Variants in SLIT3 observed in about 807,000 individuals in gnomAD.
SLIT3 encodes the protein slit guidance ligand 3.
A neutral mutation model predicts 184.0 loss-of-function variants in SLIT3; 68 were observed. The observed-to-expected ratio is 0.37, with a 90% CI of 0.30 to 0.45. The LOEUF (loss-of-function observed/expected upper bound fraction) is 0.45, where lower values mean the gene tolerates loss of function less well. SLIT3 is among the 20% of genes least tolerant of loss of function. The pLI, the probability that SLIT3 is intolerant of heterozygous loss-of-function variation, is 1.00. For missense variants in SLIT3, 1,707 were observed against 2,026.0 expected (o/e 0.84, Z 3.02); for synonymous variants, 831 against 828.6 (o/e 1.00, Z -0.05).
intron 4 of SLIT3, among the ~76,000 whole-genome samples, chr5:168,892,512 T>C (rs1428055711): frequency 6.6e-6 from 1 of 152,220 alleles, no homozygotes; most frequent in Non-Finnish European, 1.5e-5. Flanking sequence ...GTTCTGAGTA[T>C]ACAGATAGGA....
At chr5:169,014,174 C>T (rs1307758287) in intron 4 of SLIT3, among the ~76,000 whole-genome samples, 1 of 152,074 alleles carries the variant, frequency 6.6e-6, no homozygotes, top group Admixed American at 6.6e-5. Context: ...ATGACACACT[C>T]ATGGAGTGAA....
rs1450986545 is a variant in SLIT3 at position 169,159,425 on chromosome 5, TC to T, written c.413+34053del. 7.3e-5 allele frequency among the ~76,000 whole-genome samples: 11 copies of T among 151,216 alleles called. 1 individual carries two copies. The East Asian group carries it at 2.2e-3, about 30-fold the overall frequency. ...TGGGCAACAAGAGCGAAACTCCATC[TC>T]AAAAAAACAAAACAACAACAGCAGC... On this transcript the variant is annotated intron_variant, in intron 4 of 35. Coordinates refer to ENST00000519560, the MANE Select transcript of SLIT3 (RefSeq NM_003062.4).
intron 6 of SLIT3, among the ~76,000 whole-genome samples, chr5:168,831,696 C>T (rs1232828891): frequency 6.6e-6 from 1 of 152,152 alleles, no homozygotes; most frequent in East Asian, 1.9e-4. Flanking sequence ...ACAGCTCTCA[C>T]CGCCAAGTAA....
intron 4 of SLIT3, among the ~76,000 whole-genome samples, chr5:169,076,063 T>C (rs1302667369): frequency 6.6e-6 from 1 of 152,164 alleles, no homozygotes; most frequent in African/African-American, 2.4e-5. Context: ...CTGTTCTCTG[T>C]ATGAGAGTGA....
At chr5:169,205,330 C>A (rs1264848549) in intron 3 of SLIT3, among the ~76,000 whole-genome samples, 1 of 152,092 alleles carries the variant, frequency 6.6e-6, no homozygotes, top group Non-Finnish European at 1.5e-5. Flanking sequence ...TGAGATGAGT[C>A]CTAAGATGAC....
At chr5:169,265,896 CAA>C (rs1766380102) in intron 1 of SLIT3, among the ~76,000 whole-genome samples, 1 of 152,180 alleles carries the variant, frequency 6.6e-6, no homozygotes, top group Admixed American at 6.5e-5. Context: ...AGCTCCACCC[CAA>C]ATCTCCTTCA....
At chr5:169,155,962 G>T (rs938316431) in intron 4 of SLIT3, among the ~76,000 whole-genome samples, 2 of 152,186 alleles carry the variant, frequency 1.3e-5, no homozygotes, top group Non-Finnish European at 2.9e-5. Context: ...ATCCGTGACG[G>T]GGTAAAGTTG....
intron 12 of SLIT3, among the ~76,000 whole-genome samples, chr5:168,782,035 C>T (rs564172813): frequency 1.3e-5 from 2 of 152,228 alleles, no homozygotes; most frequent in African/African-American, 2.4e-5. Flanking sequence ...ATGTTAGCTG[C>T]TATTATTAGC....
chr5:168,885,085 GGT>G (rs1255459339), intron 4 of SLIT3, among the ~76,000 whole-genome samples: 1 of 152,132 alleles, frequency 6.6e-6, no homozygotes, highest in East Asian at 1.9e-4. Context: ...GCAGAAAAGA[GGT>G]GTCCACTTTT....
chr5:168,741,209 G>A (rs567078178), intron 20 of SLIT3, among the ~76,000 whole-genome samples: 1 of 152,326 alleles, frequency 6.6e-6, no homozygotes, highest in East Asian at 1.9e-4. Context: ...GGAGGCTCAT[G>A]CCTGTAATCC....
At chr5:168,894,917 A>C (rs1353175458) in intron 4 of SLIT3, among the ~76,000 whole-genome samples, 1 of 152,186 alleles carries the variant, frequency 6.6e-6, no homozygotes, top group Non-Finnish European at 1.5e-5. Context: ...ATGTTAGAAG[A>C]GGGTCATTGG....
chr5:169,119,468 ACAGGAATGAAATAGTGG>A (rs1174383207), intron 4 of SLIT3, among the ~76,000 whole-genome samples: 6 of 152,362 alleles, frequency 3.9e-5, no homozygotes, highest in African/African-American at 1.4e-4. Flanking sequence ...GGAAGGACTA[ACAGGAATGAAATAGTGG>A]CTAATTCATC....
At chr5:169,270,762 G>A (rs1421606445) in intron 1 of SLIT3, among the ~76,000 whole-genome samples, 1 of 152,196 alleles carries the variant, frequency 6.6e-6, no homozygotes, top group Non-Finnish European at 1.5e-5. Flanking sequence ...AAAAGTGTGG[G>A]TTCTCACTCT....
At chr5:169,177,403 G>T (rs1763018659) in intron 4 of SLIT3, among the ~76,000 whole-genome samples, 1 of 152,214 alleles carries the variant, frequency 6.6e-6, no homozygotes, top group African/African-American at 2.4e-5. Context: ...ACTGGAAAGA[G>T]ATATTATTGA....
chr5:169,189,141 T>C (rs1763457447), intron 4 of SLIT3, among the ~76,000 whole-genome samples: 1 of 152,078 alleles, frequency 6.6e-6, no homozygotes, highest in Non-Finnish European at 1.5e-5. Flanking sequence ...GAACACAGAA[T>C]AAGAGGACAG....
At chr5:169,155,790 C>T (rs1393860709) in intron 4 of SLIT3, among the ~76,000 whole-genome samples, 3 of 152,168 alleles carry the variant, frequency 2.0e-5, no homozygotes, top group Admixed American at 6.5e-5. Flanking sequence ...ACAGAAGTGG[C>T]CACAGATAGT....
At chr5:168,690,400 C>T (rs950956075) in intron 29 of SLIT3, among the ~76,000 whole-genome samples, 14 of 152,176 alleles carry the variant, frequency 9.2e-5, no homozygotes, top group African/African-American at 2.4e-4. Flanking sequence ...GTCCTCTGAG[C>T]TTGCTGTCCA....
intron 4 of SLIT3, among the ~76,000 whole-genome samples, chr5:169,182,130 C>A (rs1195408292): frequency 6.6e-6 from 1 of 152,078 alleles, no homozygotes; most frequent in African/African-American, 2.4e-5. Context: ...GGCGGGCGGG[C>A]CACACTTCTA....
intron 4 of SLIT3, among the ~76,000 whole-genome samples, chr5:169,142,578 A>C (rs1320915765): frequency 6.6e-6 from 1 of 152,194 alleles, no homozygotes; most frequent in Non-Finnish European, 1.5e-5. Context: ...TCCAAGTCAA[A>C]CTATGGTGCG....
Sources: gnomAD v4.1 joint callset for allele counts (sites outside exome capture counted in the v4.1 genomes callset) on GRCh38, gnomAD v4.1.1 for gene constraint, MANE v1.5 for transcripts, NCBI Gene and HGNC (gene_info 2026-07-23, HGNC 2026-07-21) for gene names.